BUB1B: variants seen among roughly 807,000 people sequenced by gnomAD.
BUB1B encodes the protein mitotic checkpoint serine/threonine-protein kinase BUB1 beta.
A neutral mutation model predicts 137.7 loss-of-function variants in BUB1B; 86 were observed. That is an observed-to-expected ratio of 0.62 (90% CI 0.52 to 0.75). The LOEUF (loss-of-function observed/expected upper bound fraction) is 0.75, where lower values mean the gene tolerates loss of function less well. Ranked by LOEUF, BUB1B falls within the 30% of genes least tolerant of loss-of-function variation. BUB1B has a pLI of 0.00. For synonymous variants in BUB1B, 420 were observed against 417.9 expected (o/e 1.00, Z -0.06); for missense variants, 1,130 against 1,236.9 (o/e 0.91, Z 1.30).
At chr15:40,174,362 C>G (rs2037200086) in intron 4 of BUB1B, among the ~76,000 whole-genome samples, 1 of 152,102 alleles carries the variant, frequency 6.6e-6, no homozygotes, top group African/African-American at 2.4e-5. Flanking sequence ...CTATAAAATA[C>G]TAATTATTTT....
At chr15:40,201,329 T>C (rs1041262400) in intron 12 of BUB1B, among the ~76,000 whole-genome samples, 1 of 152,230 alleles carries the variant, frequency 6.6e-6, no homozygotes, top group East Asian at 1.9e-4. Context: ...ATTGGTTTTC[T>C]TTTCTTCAAA....
chr15:40,204,199 C>T (rs2140902911), intron 14 of BUB1B, among the ~76,000 whole-genome samples: 1 of 152,182 alleles, frequency 6.6e-6, no homozygotes, highest in African/African-American at 2.4e-5. Context: ...ATTGGAATTT[C>T]CAGGGAAGAA....
At chr15:40,192,358 A>C (rs1214234542) in intron 8 of BUB1B, among the ~76,000 whole-genome samples, 2 of 152,120 alleles carry the variant, frequency 1.3e-5, no homozygotes, top group Non-Finnish European at 2.9e-5. Flanking sequence ...AGTGTGGTAC[A>C]TTTGTTATAA....
At position 40,218,562 on chromosome 15, in the gene BUB1B, A is replaced by T; in HGVS notation, c.2957A>T (p.Glu986Val). The change falls in exon 22 of 23, where the codon GAG becomes GTG. Residue 986 changes from glutamate to valine, a missense_variant and splice_region_variant. Transcript: ENST00000287598. ...TGGAAACTTAGCCAAAATATTTCTG[A>T]GTAAGTATTGATGAATGTCAGGGTC... ...SFWKLSQNIS[E>V]LKDGELWNKF... 1 of 1,598,274 alleles carries T rather than the reference A, an allele frequency of 6.3e-7. No homozygotes were observed. Among genetic ancestry groups the T allele is most frequent in the Non-Finnish European group, 8.6e-7 (1 of 1,165,628 alleles).
At position 40,212,877 on chromosome 15, in the gene BUB1B, A is replaced by G. The variant is rs28657938; in HGVS notation, c.2535+229A>G. Among the ~76,000 whole-genome samples, 12,087 of 152,166 alleles carry G rather than the reference A, an allele frequency of 0.079. 1,570 individuals are homozygous for G. The highest frequency in any genetic ancestry group is 0.28 in the African/African-American group (11,431 of 41,440). Reference sequence around the variant, plus strand: ...GCATAAATAAAAGTAGAATTGTACAATGAACTCCCATGAACTAGTCATCTA... The same window carrying G: ...GCATAAATAAAAGTAGAATTGTACAGTGAACTCCCATGAACTAGTCATCTA... On this transcript the variant is annotated intron_variant, in intron 19 of 22. Coordinates refer to ENST00000287598, the MANE Select transcript of BUB1B (RefSeq NM_001211.6).
chr15:40,200,388 G>A, intron 11 of BUB1B, 29 bp downstream of exon 11: 2 of 1,560,088 alleles, frequency 1.3e-6, no homozygotes, highest in Non-Finnish European at 1.8e-6. Flanking sequence ...AAGGGACAAT[G>A]CATATAGGAG....
chr15:40,200,050 G>A, intron 10 of BUB1B, 194 bp from the exon 11 acceptor site: 1 of 627,102 alleles, frequency 1.6e-6, no homozygotes, highest in South Asian at 1.9e-5. Context: ...TATATGCCTG[G>A]CACTGCTCAG....
intron 3 of BUB1B, 28 bp downstream of exon 3, chr15:40,170,149 T>C (rs1566815956): frequency 1.9e-6 from 3 of 1,586,718 alleles, no homozygotes; most frequent in Non-Finnish European, 8.7e-7. Flanking sequence ...ACAAGGACAA[T>C]AGAAACATTA....
chr15:40,211,923 A>G (rs1340933219), intron 18 of BUB1B, among the ~76,000 whole-genome samples: 1 of 152,098 alleles, frequency 6.6e-6, no homozygotes, highest in Non-Finnish European at 1.5e-5. Context: ...CCCAGGGTCA[A>G]GCGATTCTCC....
At position 40,200,485 on chromosome 15, in the gene BUB1B, G is replaced by A. The variant is rs960950010; in HGVS notation, c.1517+126G>A. The A allele has an allele frequency of 2.3e-5, 16 of 695,638 alleles. No homozygotes were observed. The African/African-American group carries it at 2.5e-4, about 11-fold the overall frequency. The allele number at this position is 695,638 out of a possible 1,614,324, so 43.1% of individuals were successfully genotyped here. ...CGAGACATGGTTTTTGTAAGTCTCT[G>A]TCACAACATAAGCTTTGATGCTGAT... On this transcript the variant is annotated intron_variant, in intron 11 of 22. Transcript: ENST00000287598.
chr15:40,220,770 C>T lies in BUB1B; in HGVS notation c.*11C>T, dbSNP rs753226723. The T allele has an allele frequency of 6.2e-7, 1 of 1,612,350 alleles. No individual in the cohort carries two copies. The highest frequency in any genetic ancestry group is 8.5e-7 in the Non-Finnish European group (1 of 1,178,532). Reference sequence around the variant, plus strand: ...TTGCTCTTTCAGTGAGCTAGGCAATCAAGTCTCACAGATTGCTGCCTCAGA... The same window carrying T: ...TTGCTCTTTCAGTGAGCTAGGCAATTAAGTCTCACAGATTGCTGCCTCAGA... On this transcript the variant is annotated 3_prime_UTR_variant, in exon 23 of 23. Transcript: ENST00000287598.
At chr15:40,180,751 G>A (rs868610320) in intron 5 of BUB1B, among the ~76,000 whole-genome samples, 14 of 134,306 alleles carry the variant, frequency 1.0e-4, no homozygotes, top group Admixed American at 7.9e-4. Context: ...CTGGGATTAC[G>A]CCATTCTCCT....
At chr15:40,171,475 A>G (rs1286408406) in intron 4 of BUB1B, among the ~76,000 whole-genome samples, 2 of 152,106 alleles carry the variant, frequency 1.3e-5, no homozygotes, top group Non-Finnish European at 1.5e-5. Flanking sequence ...TGAGCCCGGG[A>G]CGTCCAGACT....
chr15:40,220,838 A>G lies in BUB1B; in HGVS notation c.*79A>G, dbSNP rs2037894827. The G allele has an allele frequency of 3.4e-6, 5 of 1,467,946 alleles. No individual in the cohort carries two copies. The Admixed American group carries it at 6.8e-5, about 20-fold the overall frequency. The allele number at this position is 1,467,946 out of a possible 1,614,324, so 90.9% of individuals were successfully genotyped here. The stretch of plus-strand genomic sequence containing the variant: ...GAACACTGAAACTGTATGTGCTGTA[A>G]TTTAATTTAGGACACATTTAGATGC... On this transcript the variant is annotated 3_prime_UTR_variant, in exon 23 of 23. Transcript: ENST00000287598.
chr15:40,171,414 C>T (rs2037161287), intron 4 of BUB1B, among the ~76,000 whole-genome samples: 1 of 151,914 alleles, frequency 6.6e-6, no homozygotes, highest in African/African-American at 2.4e-5. Flanking sequence ...GGTGTGGTGG[C>T]ACAGCACCTG....
At chr15:40,164,709 C>A (rs927862654) in intron 1 of BUB1B, among the ~76,000 whole-genome samples, 2 of 148,598 alleles carry the variant, frequency 1.3e-5, no homozygotes, top group Admixed American at 6.7e-5. Context: ...TGCTATGTTG[C>A]CCAGGCTGGT....
At chr15:40,202,752 C>A (rs1220749269) in intron 14 of BUB1B, 58 bp downstream of exon 14, 20 of 1,403,848 alleles carry the variant, frequency 1.4e-5, no homozygotes, top group Non-Finnish European at 2.0e-5. Flanking sequence ...TTATTCAAAA[C>A]CACAAAAGCT....
intron 15 of BUB1B, among the ~76,000 whole-genome samples, chr15:40,206,929 C>T (rs186984601): frequency 6.8e-4 from 103 of 152,292 alleles, no homozygotes; most frequent in African/African-American, 2.4e-3. Context: ...CCTGCCTCAG[C>T]CTCCCAAGTA....
At chr15:40,175,048 A>G (rs1008103885) in intron 4 of BUB1B, among the ~76,000 whole-genome samples, 1 of 152,226 alleles carries the variant, frequency 6.6e-6, no homozygotes, top group African/African-American at 2.4e-5. Context: ...GTCTGGTGGA[A>G]TGAGTATTTT....
Sources: gnomAD v4.1 joint callset for allele counts (sites outside exome capture counted in the v4.1 genomes callset) on GRCh38, gnomAD v4.1.1 for gene constraint, MANE v1.5 for transcripts, NCBI Gene and HGNC (gene_info 2026-07-23, HGNC 2026-07-21) for gene names.